Variants in MTTP observed in about 807,000 individuals in gnomAD.
MTTP encodes microsomal triglyceride transfer protein large subunit.
A neutral mutation model predicts 90.6 loss-of-function variants in MTTP; 49 were observed. The observed-to-expected ratio is 0.54, with a 90% CI of 0.43 to 0.69. The LOEUF is 0.69. Among genes scored for constraint, MTTP ranks in the 30% least tolerant of loss-of-function variants. The pLI, the probability that MTTP is intolerant of heterozygous loss-of-function variation, is 0.00. For synonymous variants in MTTP, 347 were observed against 384.2 expected, an observed-to-expected ratio of 0.90 and a Z score of 1.13; for missense variants, 945 against 1,067.5, an observed-to-expected ratio of 0.89 and a Z score of 1.60.
At chr4:99,571,124 A>G (rs1212985021), upstream of MTTP, among the ~76,000 whole-genome samples, 5 of 151,916 alleles carry the variant, frequency 3.3e-5, no homozygotes, top group African/African-American at 4.8e-5. Flanking sequence ...TCTATCCTCT[A>G]TATCTCTTGA....
At chr4:99,590,097 C>T (rs4699755) in intron 4 of MTTP, among the ~76,000 whole-genome samples, 71,086 of 151,786 alleles carry the variant, frequency 0.47, 19,502 homozygotes, top group African/African-American at 0.74. Flanking sequence ...GGGGAGGACC[C>T]GAACGTCTTT....
chr4:99,579,223 T>C (rs1479280627), intron 1 of MTTP, among the ~76,000 whole-genome samples: 3 of 152,238 alleles, frequency 2.0e-5, no homozygotes, highest in Non-Finnish European at 2.9e-5. Flanking sequence ...TCTTTGAAGG[T>C]TCGACAGATT....
chr4:99,593,709 T>G (rs555897649), intron 6 of MTTP, among the ~76,000 whole-genome samples: 36 of 152,334 alleles, frequency 2.4e-4, no homozygotes, highest in Middle Eastern at 3.4e-3. Flanking sequence ...TAAAAATGCC[T>G]GATTAAAATG....
intron 1 of MTTP, among the ~76,000 whole-genome samples, chr4:99,581,170 CTAGG>C (rs1190992705): frequency 6.6e-6 from 1 of 152,158 alleles, no homozygotes; most frequent in Non-Finnish European, 1.5e-5. Context: ...TTTCTTTGGG[CTAGG>C]TAAACTGAAT....
rs376636131 is a variant in MTTP at position 99,601,665 on chromosome 4, C to T, written c.1295C>T (p.Thr432Ile). Reference protein sequence around the residue: ...SDIRETVMIITGTLVRKLCQN... With the variant: ...SDIRETVMIIIGTLVRKLCQN... ...ATCAGAGAAACTGTTATGATCATCA[C>T]TGGGACACTTGTCAGAAAGTTGTGT... Residue 432 changes from threonine (T) to isoleucine (I), a missense_variant, in exon 10 of 18, where the codon ACT becomes ATT. Thr to Ile is a moderately conservative substitution (Grantham distance 89, BLOSUM62 -1). Transcript: ENST00000265517. 6 of 1,612,966 alleles carry T rather than the reference C, an allele frequency of 3.7e-6. No homozygotes were observed. The African/African-American group carries it at 6.7e-5, about 18-fold the overall frequency.
intron 15 of MTTP, among the ~76,000 whole-genome samples, chr4:99,615,086 A>G (rs1726066534): frequency 6.6e-6 from 1 of 152,232 alleles, no homozygotes; most frequent in Non-Finnish European, 1.5e-5. Context: ...CACCACCTGT[A>G]TGTGCTTAGC....
At chr4:99,592,140 G>C (rs976343933) in intron 6 of MTTP, among the ~76,000 whole-genome samples, 1 of 152,108 alleles carries the variant, frequency 6.6e-6, no homozygotes, top group African/African-American at 2.4e-5. Flanking sequence ...AAAGTCAGCA[G>C]AAAAATACAG....
At position 99,611,260 on chromosome 4, in the gene MTTP, G is replaced by T; in HGVS notation, c.1867+20G>T. On this transcript the variant is annotated intron_variant, in intron 13 of 17. Coordinates refer to ENST00000265517, the MANE Select transcript of MTTP (RefSeq NM_001386140.1). ...TAGAACGTATGTACACCAAAAAGAGGTTCTCCTTCCATACCCCACAACTTA... is the reference window on the plus strand; with the variant it reads ...TAGAACGTATGTACACCAAAAAGAGTTTCTCCTTCCATACCCCACAACTTA... 1 of 1,613,552 alleles carries T rather than the reference G, an allele frequency of 6.2e-7. No individual in the cohort carries two copies. The highest frequency in any genetic ancestry group is 1.3e-5 in the African/African-American group (1 of 74,986).
chr4:99,601,787 A>AGTAGGCAG, intron 10 of MTTP, 73 bp downstream of exon 10: 1 of 1,120,498 alleles, frequency 8.9e-7, no homozygotes, highest in Non-Finnish European at 1.4e-6. Flanking sequence ...CATGCTGCCT[A>AGTAGGCAG]CTATTGGCAC....
chr4:99,609,053 A>T, intron 12 of MTTP, 76 bp downstream of exon 12: 1 of 1,329,734 alleles, frequency 7.5e-7, no homozygotes, highest in Non-Finnish European at 1.1e-6. Context: ...GTAGCTAATA[A>T]TAATGATGTG....
chr4:99,622,455 T>C (rs997589238), intron 17 of MTTP, among the ~76,000 whole-genome samples: 4 of 152,138 alleles, frequency 2.6e-5, no homozygotes, highest in Non-Finnish European at 4.4e-5. Context: ...TCTAGAAAAA[T>C]GTATGGCAGG....
chr4:99,601,565 T>G, intron 9 of MTTP, 42 bp from the exon 10 acceptor site: 1 of 1,348,892 alleles, frequency 7.4e-7, no homozygotes, highest in East Asian at 2.3e-5. Context: ...TGGAAATATT[T>G]AAATGTCTTG....
chr4:99,619,012 GGT>G lies in MTTP; in HGVS notation c.2257_2258del (p.Val753ProfsTer7). On this transcript the variant is annotated frameshift_variant, in exon 16 of 18. Transcript: ENST00000265517. LOFTEE classifies it high-confidence loss of function. ...AATCTGGACTAAAAGCCAATATAGAGGTCCAGGGTGGTCTAGCTATTGATATT... is the reference window on the plus strand; with the variant it reads ...AATCTGGACTAAAAGCCAATATAGAGCCAGGGTGGTCTAGCTATTGATATT... ...LQSGLKANIE[V>X]QGGLAIDISG... 6.2e-7 allele frequency: 1 copy of G among 1,613,506 alleles called. No individual in the cohort carries two copies. The highest frequency in any genetic ancestry group is 1.1e-5 in the South Asian group (1 of 91,070).
upstream of MTTP, among the ~76,000 whole-genome samples, chr4:99,571,262 TGTATC>T (rs1179635912): frequency 3.3e-5 from 5 of 152,108 alleles, no homozygotes; most frequent in South Asian, 2.1e-4. Context: ...ATGTAATTGT[TGTATC>T]GTATATACTT....
chr4:99,597,688 G>GC (rs1348477377), intron 8 of MTTP, among the ~76,000 whole-genome samples: 10 of 152,190 alleles, frequency 6.6e-5, no homozygotes, highest in Admixed American at 3.3e-4. Flanking sequence ...TATGTTTTAT[G>GC]TAAAAAATTG....
intron 6 of MTTP, among the ~76,000 whole-genome samples, chr4:99,592,288 CTG>C (rs1725445804): frequency 6.6e-6 from 1 of 152,166 alleles, no homozygotes; most frequent in Non-Finnish European, 1.5e-5. Context: ...CTGTACACTA[CTG>C]TAGACTTTAT....
chr4:99,585,683 C>T (rs1011139260), intron 3 of MTTP, among the ~76,000 whole-genome samples: 1 of 152,084 alleles, frequency 6.6e-6, no homozygotes, highest in South Asian at 2.1e-4. Flanking sequence ...TCTTCTGCTA[C>T]ACACATGAAA....
At chr4:99,605,182 C>T (rs1009092342) in intron 10 of MTTP, among the ~76,000 whole-genome samples, 1 of 152,018 alleles carries the variant, frequency 6.6e-6, no homozygotes, top group South Asian at 2.1e-4. Flanking sequence ...GAGGTCTCAT[C>T]GCTTCTCGAT....
At chr4:99,584,175 A>G (rs182936053) in intron 3 of MTTP, 1 of 152,234 alleles carries the variant, frequency 6.6e-6, no homozygotes, top group Admixed American at 6.5e-5. Flanking sequence ...GTCTAAATAA[A>G]TTTGGAATTG....
Sources: gnomAD v4.1 joint callset for allele counts (sites outside exome capture counted in the v4.1 genomes callset) on GRCh38, gnomAD v4.1.1 for gene constraint, MANE v1.5 for transcripts, NCBI Gene and HGNC (gene_info 2026-07-23, HGNC 2026-07-21) for gene names.